Variants in MFSD11 observed in about 807,000 individuals in gnomAD.
MFSD11 encodes the protein major facilitator superfamily domain containing 11, also known as UNC93-like protein MFSD11.
MFSD11 carries 36 observed loss-of-function variants against 53.5 expected under a neutral mutation model. The observed-to-expected ratio is 0.67, with a 90% CI of 0.52 to 0.89. The LOEUF is 0.89. Among genes scored for constraint, MFSD11 ranks in the 40% least tolerant of loss-of-function variants. The pLI is 0.00. For missense variants in MFSD11, 530 were observed against 543.9 expected, an observed-to-expected ratio of 0.97 and a Z score of 0.25; for synonymous variants, 186 against 184.9, an observed-to-expected ratio of 1.01 and a Z score of -0.05.
chr17:76,773,896 A>G lies in MFSD11; in HGVS notation c.875-1101A>G, dbSNP rs556767076. Reference sequence around the variant, plus strand: ...GCTGGGATTACAGGCGTGAGCCACCATGCCCAGCAACTTTCTAAATTTTTT... The same window carrying G: ...GCTGGGATTACAGGCGTGAGCCACCGTGCCCAGCAACTTTCTAAATTTTTT... On this transcript the variant is annotated intron_variant, in intron 10 of 12. Coordinates refer to ENST00000685175, the MANE Select transcript of MFSD11 (RefSeq NM_001242532.5). Among the ~76,000 whole-genome samples, 22 of 150,968 alleles carry G rather than the reference A, an allele frequency of 1.5e-4. No individual in the cohort carries two copies. In the South Asian group the frequency reaches 1.7e-3, roughly 12 times the overall value.
chr17:76,792,096 T>C, the MFSD11 span, among the ~76,000 whole-genome samples: 6 of 146,322 alleles, frequency 4.1e-5, no homozygotes, highest in Admixed American at 1.4e-4. Flanking sequence ...CTAATATATA[T>C]TGAGTGCTTA....
intron 1 of MFSD11, 26 bp from the exon 2 acceptor site, chr17:76,738,912 G>A (rs2144022950): frequency 6.2e-7 from 1 of 1,607,706 alleles, no homozygotes; most frequent in Non-Finnish European, 8.5e-7. Flanking sequence ...AAACATTTTC[G>A]TTGATTAGTT....
upstream of MFSD11, chr17:76,737,419 C>T (rs2077573880): frequency 7.2e-6 from 3 of 415,182 alleles, no homozygotes; most frequent in Non-Finnish European, 8.6e-6. Flanking sequence ...TCTGATTGGC[C>T]CACCGCGCCC....
chr17:76,740,425 G>A (rs2077957444), intron 2 of MFSD11, among the ~76,000 whole-genome samples: 1 of 152,168 alleles, frequency 6.6e-6, no homozygotes, highest in Non-Finnish European at 1.5e-5. Context: ...GCAAGTTGTA[G>A]CTCTGCGCTT....
At chr17:76,783,134 G>A (rs1368637768), downstream of MFSD11, among the ~76,000 whole-genome samples, 2 of 146,396 alleles carry the variant, frequency 1.4e-5, no homozygotes, top group Non-Finnish European at 3.0e-5. Flanking sequence ...CCAAGATCAC[G>A]CCACTGCACT....
intron 8 of MFSD11, among the ~76,000 whole-genome samples, chr17:76,760,877 A>G (rs1302316498): frequency 6.6e-6 from 1 of 152,070 alleles, no homozygotes; most frequent in African/African-American, 2.4e-5. Flanking sequence ...AATTCTCAAT[A>G]TTATGGGCGG....
chr17:76,788,723 C>T, the MFSD11 span, among the ~76,000 whole-genome samples: 7 of 147,358 alleles, frequency 4.8e-5, no homozygotes, highest in Admixed American at 3.4e-4. Context: ...CTTGGTGGCA[C>T]GCGCCTGTAG....
At chr17:76,739,354 T>C (rs2077825587) in intron 2 of MFSD11, among the ~76,000 whole-genome samples, 1 of 152,240 alleles carries the variant, frequency 6.6e-6, no homozygotes, top group Admixed American at 6.5e-5. Context: ...CTATAGAAGA[T>C]GTTGTGATTC....
At chr17:76,761,694 G>A (rs969465994) in intron 8 of MFSD11, among the ~76,000 whole-genome samples, 11 of 151,372 alleles carry the variant, frequency 7.3e-5, no homozygotes, top group South Asian at 4.2e-4. Context: ...AGGCCGAGGC[G>A]GGCGGATCAT....
intron 2 of MFSD11, among the ~76,000 whole-genome samples, chr17:76,739,218 TTGTTATCTTAGGTAAG>T (rs990293820): frequency 2.6e-5 from 4 of 152,246 alleles, no homozygotes; most frequent in African/African-American, 9.6e-5. Flanking sequence ...ATTTATTGCA[TTGTTATCTTAGGTAAG>T]TGTTTCCGTG....
chr17:76,767,366 T>C lies in MFSD11; in HGVS notation c.683-20T>C, dbSNP rs759523674. 2.6e-6 allele frequency: 4 copies of C among 1,528,596 alleles called. No individual in the cohort carries two copies. The highest frequency in any genetic ancestry group is 3.6e-6 in the Non-Finnish European group (4 of 1,108,574). The allele number at this position is 1,528,596 out of a possible 1,614,324, so 94.7% of individuals were successfully genotyped here. On this transcript the variant is annotated intron_variant, in intron 8 of 12. Transcript: ENST00000685175. The stretch of plus-strand genomic sequence containing the variant: ...TTAACTAAAATCTAATTAAGTACTC[T>C]TAAATTTTTGTGTTTACAGAAAAGT...
downstream of MFSD11, among the ~76,000 whole-genome samples, chr17:76,783,559 G>C (rs1381190919): frequency 6.6e-6 from 1 of 151,908 alleles, no homozygotes; most frequent in Admixed American, 6.6e-5. Flanking sequence ...AAGTCCCTTG[G>C]GGGTCTTTTG....
the MFSD11 span, among the ~76,000 whole-genome samples, chr17:76,791,880 C>T: frequency 6.8e-5 from 10 of 146,240 alleles, 2 homozygotes; most frequent in Non-Finnish European, 1.5e-4. Flanking sequence ...CCCCCCCGCC[C>T]CGAGAGATCA....
downstream of MFSD11, among the ~76,000 whole-genome samples, chr17:76,783,456 G>T (rs961739259): frequency 6.6e-6 from 1 of 151,992 alleles, no homozygotes; most frequent in Non-Finnish European, 1.5e-5. Flanking sequence ...CAACTTGAAC[G>T]CCTTTAAACC....
chr17:76,737,278 T>C (rs780875892), upstream of MFSD11: 519 of 1,377,772 alleles, frequency 3.8e-4, no homozygotes, highest in Non-Finnish European at 4.8e-4. Context: ...GGAAAGGCCT[T>C]GCCGCAGAAC....
chr17:76,796,689 G>C, the MFSD11 span, among the ~76,000 whole-genome samples: 11,031 of 151,918 alleles, frequency 0.073, 1,334 homozygotes, highest in African/African-American at 0.25. Flanking sequence ...AAAGAATTCC[G>C]AGGCTGGGCA....
intron 8 of MFSD11, among the ~76,000 whole-genome samples, chr17:76,766,576 T>G (rs2080878774): frequency 6.6e-6 from 1 of 152,180 alleles, no homozygotes; most frequent in African/African-American, 2.4e-5. Context: ...GTACAAAATG[T>G]CTTCTTATAT....
chr17:76,785,679 G>T (rs2082266022), downstream of MFSD11, among the ~76,000 whole-genome samples: 1 of 152,116 alleles, frequency 6.6e-6, no homozygotes, highest in Admixed American at 6.6e-5. Context: ...TGCAAGATGA[G>T]TTCTGGAGAT....
chr17:76,788,836 A>G, the MFSD11 span, among the ~76,000 whole-genome samples: 4,929 of 148,308 alleles, frequency 0.033, 437 homozygotes, highest in African/African-American at 0.12. Context: ...CTCCGTCTCA[A>G]TCAATAAATC....
Sources: gnomAD v4.1 joint callset for allele counts (sites outside exome capture counted in the v4.1 genomes callset) on GRCh38, gnomAD v4.1.1 for gene constraint, MANE v1.5 for transcripts, NCBI Gene and HGNC (gene_info 2026-07-23, HGNC 2026-07-21) for gene names.